The following DLG2 variants were observed in gnomAD, a reference collection of about 807,000 sequenced individuals.
DLG2 encodes the protein disks large homolog 2.
A neutral mutation model predicts 132.5 loss-of-function variants in DLG2; 45 were observed. The observed-to-expected ratio is 0.34, with a 90% CI of 0.27 to 0.44. DLG2 has a LOEUF of 0.44. Ranked by LOEUF, DLG2 falls within the 20% of genes least tolerant of loss-of-function variation. DLG2 has a pLI of 1.00. For missense variants in DLG2, 1,045 were observed against 1,196.9 expected (o/e 0.87, Z 1.87); for synonymous variants, 424 against 419.6 (o/e 1.01, Z -0.13).
intron 9 of DLG2, among the ~76,000 whole-genome samples, chr11:84,140,573 T>A (rs1466649611): frequency 2.0e-5 from 3 of 152,134 alleles, no homozygotes; most frequent in Non-Finnish European, 4.4e-5. Flanking sequence ...ATGTCACTTT[T>A]GTTATTGTTT....
chr11:83,537,229 T>C (rs2095901905), intron 20 of DLG2, among the ~76,000 whole-genome samples: 1 of 152,210 alleles, frequency 6.6e-6, no homozygotes, highest in African/African-American at 2.4e-5. Flanking sequence ...TAAGCCCAAC[T>C]GTCTTCCTCT....
chr11:85,082,314 G>C (rs1433073987), intron 6 of DLG2, among the ~76,000 whole-genome samples: 1 of 152,052 alleles, frequency 6.6e-6, no homozygotes, highest in African/African-American at 2.4e-5. Context: ...ACTTAGAACT[G>C]GAGGAGGGAA....
chr11:83,898,972 C>T (rs1189168304), intron 15 of DLG2, among the ~76,000 whole-genome samples: 1 of 152,120 alleles, frequency 6.6e-6, no homozygotes, highest in Non-Finnish European at 1.5e-5. Flanking sequence ...GAGATTATTT[C>T]TGTTCTGATA....
chr11:85,189,409 G>T (rs2080356191), intron 4 of DLG2, among the ~76,000 whole-genome samples: 1 of 152,104 alleles, frequency 6.6e-6, no homozygotes, highest in Admixed American at 6.5e-5. Flanking sequence ...ATGCTATTTG[G>T]CAATATAAAA....
rs1491200100 is a variant in DLG2 at position 84,642,063 on chromosome 11, C to CGT, written c.358-107333_358-107332insAC. Among the ~76,000 whole-genome samples the CGT allele has an allele frequency of 2.3e-4, 28 of 124,122 alleles. 1 individual carries two copies. The highest frequency in any genetic ancestry group is 1.1e-3 in the South Asian group (4 of 3,636). 81.4% of individuals were successfully genotyped at this position (124,122 alleles called of 152,430 possible). A position where few individuals can be genotyped will look rare whatever the true frequency, so the allele number is the denominator to read the frequency against. ...ATACGTATATATGTATATATACGCA[C>CGT]GCGTGTGTGTGTGTGTGTGTATATG... On this transcript the variant is annotated intron_variant, in intron 6 of 27. Transcript: ENST00000376104.
intron 6 of DLG2, among the ~76,000 whole-genome samples, chr11:84,572,945 T>A (rs2099489211): frequency 6.6e-6 from 1 of 152,180 alleles, no homozygotes; most frequent in Non-Finnish European, 1.5e-5. Context: ...TTCCATGTCA[T>A]AATTAATGAA....
chr11:83,714,704 T>C (rs2086275455), intron 18 of DLG2, among the ~76,000 whole-genome samples: 1 of 152,244 alleles, frequency 6.6e-6, no homozygotes, highest in South Asian at 2.1e-4. Context: ...ATCAGTTAAC[T>C]CACTACTGAT....
At position 84,995,887 on chromosome 11, in the gene DLG2, A is replaced by T. The variant is rs529542361; in HGVS notation, c.357+115774T>A. On this transcript the variant is annotated intron_variant, in intron 6 of 27. Transcript: ENST00000376104. The stretch of plus-strand genomic sequence containing the variant: ...TGTCCCTTTTCTTTTCCACAGAGAT[A>T]CCTGCTTCATTCATTCTCTCTGCTT... 7.9e-5 allele frequency among the ~76,000 whole-genome samples: 12 copies of T among 152,240 alleles called. No homozygotes were observed. The South Asian group carries it at 2.5e-3, about 32-fold the overall frequency.
At chr11:85,281,042 T>A (rs748458820) in intron 4 of DLG2, among the ~76,000 whole-genome samples, 42 of 152,140 alleles carry the variant, frequency 2.8e-4, no homozygotes, top group African/African-American at 8.4e-4. Flanking sequence ...CTGATTTACA[T>A]TTTCCAGAAA....
intron 9 of DLG2, among the ~76,000 whole-genome samples, chr11:84,142,139 T>TA (rs1203988408): frequency 2.4e-4 from 36 of 151,826 alleles, no homozygotes; most frequent in East Asian, 1.2e-3. Context: ...ACATCTCTAC[T>TA]AAAAATACAA....
intron 21 of DLG2, among the ~76,000 whole-genome samples, chr11:83,500,617 T>C (rs1032812857): frequency 3.3e-5 from 5 of 152,146 alleles, no homozygotes; most frequent in African/African-American, 9.7e-5. Flanking sequence ...GGAGCTTTTA[T>C]GCTACTGTCA....
chr11:85,510,482 G>C lies in DLG2; in HGVS notation c.40+88175C>G, dbSNP rs1169414636. Among the ~76,000 whole-genome samples the C allele has an allele frequency of 4.6e-5, 7 of 151,952 alleles. No homozygotes were observed. The East Asian group carries it at 1.2e-3, about 25-fold the overall frequency. ...TTGCAACCTACTCATCTGACAAAGG[G>C]CTAATATCCAGAATCTACAATGAAC... is the stretch of plus-strand genomic sequence containing the variant. On this transcript the variant is annotated intron_variant, in intron 3 of 27. Transcript: ENST00000376104.
intron 3 of DLG2, among the ~76,000 whole-genome samples, chr11:85,450,162 C>T (rs577504256): frequency 2.6e-5 from 4 of 152,168 alleles, no homozygotes; most frequent in African/African-American, 9.6e-5. Flanking sequence ...AACTTGAAAG[C>T]GATATCAGGG....
rs2154162836 is a variant in DLG2 at position 85,065,850 on chromosome 11, C to A, written c.357+45811G>T. Among the ~76,000 whole-genome samples, 3 of 150,970 alleles carry A rather than the reference C, an allele frequency of 2.0e-5. No homozygotes were observed. In the South Asian group the frequency reaches 6.2e-4, roughly 31 times the overall value. ...AGAGAAAAGTTTATGGTGTTAAATG[C>A]CTATGTAAAAAAAATAGAAAGATCT... is the stretch of plus-strand genomic sequence containing the variant. On this transcript the variant is annotated intron_variant, in intron 6 of 27. Transcript: ENST00000376104.
At chr11:84,360,166 T>A (rs1199479496) in intron 7 of DLG2, among the ~76,000 whole-genome samples, 1 of 151,812 alleles carries the variant, frequency 6.6e-6, no homozygotes, top group Admixed American at 6.6e-5. Flanking sequence ...TAGGAAAATA[T>A]GAGAAGATGA....
chr11:83,825,189 T>A (rs1161256575), intron 17 of DLG2, among the ~76,000 whole-genome samples: 5 of 102,452 alleles, frequency 4.9e-5, no homozygotes, highest in African/African-American at 1.3e-4. Flanking sequence ...TTTTTTTTTT[T>A]TTTTTTTTTG....
At chr11:85,567,348 T>C (rs1020590894) in intron 3 of DLG2, among the ~76,000 whole-genome samples, 2 of 152,188 alleles carry the variant, frequency 1.3e-5, no homozygotes, top group African/African-American at 4.8e-5. Context: ...ATTTGAGCAA[T>C]GTTTTAGAGT....
intron 6 of DLG2, among the ~76,000 whole-genome samples, chr11:84,758,935 T>C (rs1413118606): frequency 6.6e-6 from 1 of 152,188 alleles, no homozygotes; most frequent in Non-Finnish European, 1.5e-5. Context: ...TGGAGTGCAG[T>C]GGTGGGATCT....
chr11:83,747,325 TTCCTGCCTTC>T (rs1566805194), intron 18 of DLG2, among the ~76,000 whole-genome samples: 1 of 114,868 alleles, frequency 8.7e-6, no homozygotes, highest in Non-Finnish European at 2.0e-5. Flanking sequence ...CCTTCCTTCC[TTCCTGCCTTC>T]CTTCCTGCCT....
Sources: allele counts gnomAD v4.1 joint callset (sites outside exome capture counted in the v4.1 genomes callset), GRCh38; gene constraint gnomAD v4.1.1; transcripts MANE v1.5; gene names NCBI Gene and HGNC (gene_info 2026-07-23, HGNC 2026-07-21).